Variants in ITGAE observed in about 807,000 individuals in gnomAD.
The protein encoded by ITGAE is integrin alpha-E.
In ITGAE, 99 loss-of-function variants were observed where a neutral mutation model predicts 136.5. That is an observed-to-expected ratio of 0.73 (90% CI 0.62 to 0.86). The LOEUF (loss-of-function observed/expected upper bound fraction) is 0.86. ITGAE is among the 40% of genes least tolerant of loss of function. ITGAE has a pLI of 0.00. For missense variants in ITGAE, 1,447 were observed against 1,515.3 expected (o/e 0.95, Z 0.75); for synonymous variants, 613 against 591.8 (o/e 1.04, Z -0.52).
At chr17:3,746,184 G>C (rs769285888) in intron 17 of ITGAE, among the ~76,000 whole-genome samples, 2 of 152,190 alleles carry the variant, frequency 1.3e-5, no homozygotes, top group Non-Finnish European at 2.9e-5. Context: ...GCCTTCTTTA[G>C]GGAAGGAGGG....
chr17:3,726,024 G>T, intron 26 of ITGAE: 1 of 1,614,134 alleles, frequency 6.2e-7, no homozygotes, highest in Non-Finnish European at 8.5e-7. Context: ...GGAACGGGAT[G>T]GGATTGTGGT....
intron 26 of ITGAE, chr17:3,724,244 G>T: frequency 6.3e-7 from 1 of 1,593,206 alleles, no homozygotes; most frequent in Non-Finnish European, 8.5e-7. Context: ...GCTGGAAGCT[G>T]CGAGCTCGCC....
intron 30 of ITGAE, among the ~76,000 whole-genome samples, chr17:3,716,422 A>C (rs2050944954): frequency 6.6e-6 from 1 of 152,214 alleles, no homozygotes; most frequent in Non-Finnish European, 1.5e-5. Context: ...ACCGAACATA[A>C]CAGTATTAAG....
intron 1 of ITGAE, 133 bp downstream of exon 1, chr17:3,800,978 G>A: frequency 2.9e-6 from 3 of 1,031,886 alleles, no homozygotes; most frequent in Non-Finnish European, 4.4e-6. Flanking sequence ...CTTTCCTGGA[G>A]GAGCTGCCAC....
intron 26 of ITGAE, chr17:3,724,139 C>G (rs2143007964): frequency 1.7e-5 from 27 of 1,595,286 alleles, no homozygotes; most frequent in South Asian, 2.2e-5. Context: ...ATCCCGACGA[C>G]CCCGACTTCC....
Position 3,753,799 on chromosome 17 carries a change from A to C in ITGAE, c.1511T>G (p.Val504Gly). Residue 504 changes from valine to glycine, a missense_variant, in exon 13 of 31, where the codon GTG (valine) becomes GGG (glycine). Transcript: ENST00000263087. Reference sequence around the variant, plus strand: ...AGCAGGTACCTGCTCTCCCTCCAGCACTGGCAGGAAGCTGGCCTCTCTGCC... The same window carrying C: ...AGCAGGTACCTGCTCTCCCTCCAGCCCTGGCAGGAAGCTGGCCTCTCTGCC... Reference protein sequence around the residue: ...KEGREASFLPVLEGEQMGSYF... With the variant: ...KEGREASFLPGLEGEQMGSYF... The C allele has an allele frequency of 6.2e-7, 1 of 1,614,180 alleles. No individual in the cohort carries two copies. The highest frequency in any genetic ancestry group is 8.5e-7 in the Non-Finnish European group (1 of 1,180,020).
intron 1 of ITGAE, among the ~76,000 whole-genome samples, chr17:3,779,083 GACTA>G (rs2052607230): frequency 6.6e-6 from 1 of 152,006 alleles, no homozygotes; most frequent in African/African-American, 2.4e-5. Flanking sequence ...GAGAGGATGG[GACTA>G]ACTGGGAAGG....
rs765420978 is a variant in ITGAE, at chr17:3,760,081, T to C, written c.714+91A>G. ...GAGCCCAGCCCAAGTATGTGACCCA[T>C]AGAATTGTGAGCAAATGTGGTGATT... is the stretch of plus-strand genomic sequence containing the variant. On this transcript the variant is annotated intron_variant, in intron 7 of 30. Coordinates refer to ENST00000263087, the MANE Select transcript of ITGAE (RefSeq NM_002208.5). The C allele has an allele frequency of 1.0e-5, 8 of 783,614 alleles. 1 individual carries two copies. Among genetic ancestry groups the C allele is most frequent in the East Asian group, 2.6e-5 (1 of 38,302 alleles). The allele number at this position is 783,614 out of a possible 1,614,324, so 48.5% of individuals were successfully genotyped here. A position where few individuals can be genotyped will look rare whatever the true frequency, so the allele number is the denominator to read the frequency against.
At position 3,751,653 on chromosome 17, in the gene ITGAE, C is replaced by A. The variant is rs558709708; in HGVS notation, c.1890G>T (p.Ser630=). The change falls in exon 15 of 31, where the codon TCG becomes TCT. Residue 630 remains serine (S), a synonymous_variant. Transcript: ENST00000263087. ...AGGAGAGGGCCCCATGGGTCACCTG[C>A]GAGGGGCTGGCGGAGAGGCCGTCCC... is the stretch of plus-strand genomic sequence containing the variant. ...GHWDGLSASP[S]QRIRASTVAP... 23 of 1,613,522 alleles carry A rather than the reference C, an allele frequency of 1.4e-5. 1 individual carries two copies. The Admixed American group carries it at 3.7e-4, about 26-fold the overall frequency.
At chr17:3,745,717 C>G (rs1288689517) in intron 18 of ITGAE, 47 bp downstream of exon 18, 41 of 1,584,362 alleles carry the variant, frequency 2.6e-5, no homozygotes, top group Non-Finnish European at 3.2e-5. Context: ...AATCCTTTCT[C>G]AATGACAAAG....
intron 1 of ITGAE, among the ~76,000 whole-genome samples, chr17:3,794,280 A>T (rs1442199683): frequency 6.6e-6 from 1 of 151,288 alleles, no homozygotes; most frequent in Non-Finnish European, 1.5e-5. Flanking sequence ...CCTGGCCTCT[A>T]ATTTTTTTTT....
intron 1 of ITGAE, 123 bp from the exon 2 acceptor site, chr17:3,777,783 T>C (rs2052578861): frequency 1.7e-6 from 2 of 1,165,134 alleles, no homozygotes; most frequent in Admixed American, 2.6e-5. Flanking sequence ...GGGATCTTTA[T>C]GTGTGTGTGA....
chr17:3,799,212 G>C lies in ITGAE; in HGVS notation c.34+1899C>G, dbSNP rs575324678. On this transcript the variant is annotated intron_variant, in intron 1 of 30. Transcript: ENST00000263087. The surrounding 1 kb of genome is among the most constrained non-coding windows in gnomAD (Gnocchi z 4.1). Reference sequence around the variant, plus strand: ...TCACCTCCTCCAGGAAACTCTCCTGGACTGGCCCATCCTAGTCTCAGGACC... The same window carrying C: ...TCACCTCCTCCAGGAAACTCTCCTGCACTGGCCCATCCTAGTCTCAGGACC... 5.1e-4 allele frequency among the ~76,000 whole-genome samples: 77 copies of C among 152,206 alleles called. No individual in the cohort carries two copies. In the Middle Eastern group the frequency reaches 0.02, roughly 40 times the overall value.
chr17:3,718,466 G>A (rs2030085110), intron 29 of ITGAE: 1 of 152,254 alleles, frequency 6.6e-6, no homozygotes, highest in South Asian at 2.1e-4. Flanking sequence ...CATCGCCCCA[G>A]GCCGGCCTCC....
intron 15 of ITGAE, 150 bp from the exon 16 acceptor site, chr17:3,750,632 TC>T: frequency 1.1e-6 from 1 of 914,264 alleles, no homozygotes; most frequent in Non-Finnish European, 1.6e-6. Context: ...GAGCAAGCTT[TC>T]CCAGAGGAAG....
chr17:3,751,857 C>A lies in ITGAE; in HGVS notation c.1686G>T (p.Leu562Phe). The A allele has an allele frequency of 6.2e-7, 1 of 1,613,896 alleles. No individual in the cohort carries two copies. The highest frequency in any genetic ancestry group is 8.5e-7 in the Non-Finnish European group (1 of 1,179,864). Reference sequence around the variant, plus strand: ...CGGGGTGCCCACTCAGTATGCGTGCCAAGGAGAAAGAACCATCCTGTAAAG... The same window carrying A: ...CGGGGTGCCCACTCAGTATGCGTGCAAAGGAGAAAGAACCATCCTGTAAAG... ...RLSEQDGSFSLARILSGHPGF... is the reference protein window; with the variant it reads ...RLSEQDGSFSFARILSGHPGF... Residue 562 changes from leucine (L) to phenylalanine (F), a missense_variant, in exon 15 of 31, where the codon TTG becomes TTT. Transcript: ENST00000263087.
rs1214177545 is a variant in ITGAE, at chr17:3,799,300, C to T, written c.34+1811G>A. ...GCCACCCACACCGGAGCTGCGGGGG[C>T]CCTGCTCTGGTCCCCTTCCCGTGGC... On this transcript the variant is annotated intron_variant, in intron 1 of 30. Coordinates refer to ENST00000263087, the MANE Select transcript of ITGAE (RefSeq NM_002208.5). The surrounding 1 kb of genome is among the most constrained non-coding windows in gnomAD (Gnocchi z 4.1). Among the ~76,000 whole-genome samples the T allele has an allele frequency of 2.0e-5, 3 of 152,186 alleles. No individual in the cohort carries two copies. Among genetic ancestry groups the T allele is most frequent in the East Asian group, 1.9e-4 (1 of 5,194 alleles).
chr17:3,753,686 C>G, intron 13 of ITGAE, 97 bp downstream of exon 13: 1 of 1,471,746 alleles, frequency 6.8e-7, no homozygotes, highest in Non-Finnish European at 9.2e-7. Flanking sequence ...CAGCCCGGGC[C>G]CTGGCCCACT....
chr17:3,760,779 C>G (rs1274698139), intron 6 of ITGAE, among the ~76,000 whole-genome samples: 1 of 152,060 alleles, frequency 6.6e-6, no homozygotes, highest in Non-Finnish European at 1.5e-5. Flanking sequence ...AAAAAGAGAG[C>G]TAGAACCTGG....
Sources: allele counts gnomAD v4.1 joint callset (sites outside exome capture counted in the v4.1 genomes callset), GRCh38; gene constraint gnomAD v4.1.1; non-coding constraint Gnocchi (gnomAD v3.1); transcripts MANE v1.5; gene names NCBI Gene and HGNC (gene_info 2026-07-23, HGNC 2026-07-21).